PPIF: variants seen among roughly 807,000 people sequenced by gnomAD.
PPIF encodes peptidylprolyl isomerase F.
In PPIF, 23 loss-of-function variants were observed where a neutral mutation model predicts 20.2. That is an observed-to-expected ratio of 1.14 (90% CI 0.82 to 1.61). PPIF has a LOEUF of 1.61. PPIF is among the 40% of genes most tolerant of loss of function. The pLI is 0.00. For synonymous variants in PPIF, 113 were observed against 123.1 expected (o/e 0.92, Z 0.54); for missense variants, 287 against 291.6 (o/e 0.98, Z 0.11).
chr10:79,347,553 T>TGGCGC lies in PPIF; in HGVS notation c.6_10dup (p.Leu4ArgfsTer65). The TGGCGC allele has an allele frequency of 7.6e-7, 1 of 1,314,430 alleles. No individual in the cohort carries two copies. 81.4% of individuals were successfully genotyped at this position (1,314,430 alleles called of 1,614,324 possible). A position where few individuals can be genotyped will look rare whatever the true frequency, so the allele number is the denominator to read the frequency against. Reference sequence around the variant, plus strand: ...CCCGCCCGACCCGCGCCCGCGATGCTGGCGCTGCGCTGCGGCTCCCGCTGG... The same window carrying TGGCGC: ...CCCGCCCGACCCGCGCCCGCGATGCTGGCGCGGCGCTGCGCTGCGGCTCCCGCTGG... On this transcript the variant is annotated frameshift_variant, in exon 1 of 6. Coordinates refer to ENST00000225174, the MANE Select transcript of PPIF (RefSeq NM_005729.4). LOFTEE classifies it high-confidence loss of function.
At chr10:79,350,648 G>A (rs1173482539) in intron 3 of PPIF, among the ~76,000 whole-genome samples, 1 of 152,252 alleles carries the variant, frequency 6.6e-6, no homozygotes, top group Non-Finnish European at 1.5e-5. Flanking sequence ...TGAGGTGGAA[G>A]TCCTGAGCCA....
At position 79,353,879 on chromosome 10, in the gene PPIF, A is replaced by T. The variant is rs1318670814; in HGVS notation, c.*37A>T. On this transcript the variant is annotated 3_prime_UTR_variant, in exon 6 of 6. Coordinates refer to ENST00000225174, the MANE Select transcript of PPIF (RefSeq NM_005729.4). The stretch of plus-strand genomic sequence containing the variant: ...GGTGCTGGCATGGTGGCAGCTGCAA[A>T]TGTCCATGCACCCAGGTGGCCGCGT... The T allele has an allele frequency of 6.2e-7, 1 of 1,606,884 alleles. No individual in the cohort carries two copies. The highest frequency in any genetic ancestry group is 8.5e-7 in the Non-Finnish European group (1 of 1,175,294).
At position 79,347,729 on chromosome 10, in the gene PPIF, C is replaced by A; in HGVS notation, c.181C>A (p.Arg61Ser). ...DVDANGKPLG[R>S]VVLELKADVV... ...GGACGCCAACGGGAAGCCGCTCGGC[C>A]GCGTGGTGCTGGAGGTGAGACCGCT... The change falls in exon 1 of 6, where the codon CGC (arginine) becomes AGC (serine). Residue 61 changes from arginine (R) to serine (S), a missense_variant. Arg to Ser is a moderately radical substitution (Grantham distance 110, BLOSUM62 -1). Transcript: ENST00000225174. The A allele has an allele frequency of 7.0e-7, 1 of 1,427,710 alleles. No individual in the cohort carries two copies. The highest frequency in any genetic ancestry group is 9.2e-7 in the Non-Finnish European group (1 of 1,083,990). The allele number at this position is 1,427,710 out of a possible 1,614,324, so 88.4% of individuals were successfully genotyped here. A position where few individuals can be genotyped will look rare whatever the true frequency, so the allele number is the denominator to read the frequency against.
Position 79,347,690 on chromosome 10 carries a change from G to T in PPIF, c.142G>T (p.Val48Leu). 1 of 1,483,004 alleles carries T rather than the reference G, an allele frequency of 6.7e-7. No individual in the cohort carries two copies. The highest frequency in any genetic ancestry group is 9.0e-7 in the Non-Finnish European group (1 of 1,113,094). The allele number at this position is 1,483,004 out of a possible 1,614,324, so 91.9% of individuals were successfully genotyped here. ...TTCCTCCTCCTCCGGGAACCCGCTC[G>T]TGTACCTGGACGTGGACGCCAACGG... is the stretch of plus-strand genomic sequence containing the variant. ...SSSSSSGNPL[V>L]YLDVDANGKP... The change falls in exon 1 of 6, where the codon GTG (valine) becomes TTG (leucine). Residue 48 changes from valine to leucine, a missense_variant. By Grantham distance (32) the Val-to-Leu change is conservative. Coordinates refer to ENST00000225174, the MANE Select transcript of PPIF (RefSeq NM_005729.4).
chr10:79,348,012 C>G (rs1002234615), intron 1 of PPIF, among the ~76,000 whole-genome samples: 2 of 152,156 alleles, frequency 1.3e-5, no homozygotes, highest in Non-Finnish European at 2.9e-5. Flanking sequence ...CTCAGCACCT[C>G]TGGGCCGGCC....
At chr10:79,353,118 G>C (rs1303474282) in intron 5 of PPIF, among the ~76,000 whole-genome samples, 4 of 152,240 alleles carry the variant, frequency 2.6e-5, no homozygotes, top group Non-Finnish European at 4.4e-5. Context: ...CAAGAGATGT[G>C]GCCGGCAGGG....
At chr10:79,349,880 C>A in intron 3 of PPIF, 127 bp downstream of exon 3, 1 of 1,508,436 alleles carries the variant, frequency 6.6e-7, no homozygotes, top group Non-Finnish European at 8.9e-7. Flanking sequence ...CCAGGCTGCC[C>A]TCCCTGCATT....
chr10:79,350,893 A>C (rs1239979844), intron 3 of PPIF, among the ~76,000 whole-genome samples: 1 of 152,238 alleles, frequency 6.6e-6, no homozygotes, highest in Non-Finnish European at 1.5e-5. Context: ...AGGGGCTGCT[A>C]CCAGGCTCTT....
intron 3 of PPIF, 57 bp from the exon 4 acceptor site, chr10:79,351,430 G>A: frequency 6.4e-7 from 1 of 1,570,802 alleles, no homozygotes; most frequent in East Asian, 2.3e-5. Flanking sequence ...CCAGCGCCAG[G>A]GCCGTGGCCC....
In PPIF at chr10:79,351,544, T is replaced by A; in HGVS notation, c.373T>A (p.Phe125Ile). Residue 125 changes from phenylalanine to isoleucine, a missense_variant, in exon 4 of 6, where the codon TTT (phenylalanine) becomes ATT (isoleucine). Transcript: ENST00000225174. ...TGGKSIYGSR[F>I]PDENFTLKHV... ...CGGGAAGTCCATCTACGGAAGCCGC[T>A]TTCCTGACGAGAACTTTACACTGAA... is the stretch of plus-strand genomic sequence containing the variant. 2 of 1,614,108 alleles carry A rather than the reference T, an allele frequency of 1.2e-6. No homozygotes were observed. Among genetic ancestry groups the A allele is most frequent in the Non-Finnish European group, 1.7e-6 (2 of 1,179,974 alleles).
chr10:79,349,158 G>A (rs1292558547), intron 2 of PPIF, 52 bp downstream of exon 2: 10 of 1,613,438 alleles, frequency 6.2e-6, no homozygotes, highest in African/African-American at 4.0e-5. Flanking sequence ...AAGGGGGCCA[G>A]GCAGGGCAAG....
Position 79,354,712 on chromosome 10 carries a change from A to G in PPIF, c.*870A>G, listed in dbSNP as rs1297890202. 6.5e-6 allele frequency: 1 copy of G among 152,812 alleles called. No individual in the cohort carries two copies. Among genetic ancestry groups the G allele is most frequent in the Non-Finnish European group, 1.5e-5 (1 of 68,066 alleles). 9.5% of individuals were successfully genotyped at this position (152,812 alleles called of 1,614,324 possible). On this transcript the variant is annotated 3_prime_UTR_variant, in exon 6 of 6. Transcript: ENST00000225174. ...AATGTGAAAATAAATCCTATTTTCT[A>G]TGGAAGACTGGTACCTGGTTTCTGG...
In PPIF at chr10:79,354,089, T is replaced by C; in HGVS notation, c.*247T>C. ...TGGACATGATGTCACCCACCCCTTG[T>C]CAAGCATTGCCTGTGATTGCCCAGC... is the stretch of plus-strand genomic sequence containing the variant. On this transcript the variant is annotated 3_prime_UTR_variant, in exon 6 of 6. Transcript: ENST00000225174. 1.9e-6 allele frequency: 1 copy of C among 528,474 alleles called. No individual in the cohort carries two copies. The highest frequency in any genetic ancestry group is 3.3e-5 in the East Asian group (1 of 30,228). The allele number at this position is 528,474 out of a possible 1,614,324, so 32.7% of individuals were successfully genotyped here.
In PPIF at chr10:79,349,708, C is replaced by T. The variant is rs1368285270; in HGVS notation, c.270C>T (p.Tyr90=). 4 of 1,613,974 alleles carry T rather than the reference C, an allele frequency of 2.5e-6. No homozygotes were observed. The highest frequency in any genetic ancestry group is 2.2e-5 in the South Asian group (2 of 91,064). ...ALCTGEKGFG[Y]KGSTFHRVIP... is the part of the protein sequence containing the mutation. ...GCACTGGTGAGAAGGGCTTCGGCTACAAAGGCTCCACCTTCCACAGGGTGA... is the reference window on the plus strand; with the variant it reads ...GCACTGGTGAGAAGGGCTTCGGCTATAAAGGCTCCACCTTCCACAGGGTGA... Residue 90 remains tyrosine, a synonymous_variant, in exon 3 of 6, where the codon TAC becomes TAT. Transcript: ENST00000225174.
Position 79,353,923 on chromosome 10 carries a change from G to A in PPIF, c.*81G>A. On this transcript the variant is annotated 3_prime_UTR_variant, in exon 6 of 6. Transcript: ENST00000225174. Reference sequence around the variant, plus strand: ...GCCGCGTTGGGCTGTCAGCCAAGGTGCCTGAAACGATACGTGTGCCCACTC... The same window carrying A: ...GCCGCGTTGGGCTGTCAGCCAAGGTACCTGAAACGATACGTGTGCCCACTC... 6.8e-7 allele frequency: 1 copy of A among 1,464,010 alleles called. No individual in the cohort carries two copies. Among genetic ancestry groups the A allele is most frequent in the Admixed American group, 1.9e-5 (1 of 53,930 alleles). 90.7% of individuals were successfully genotyped at this position (1,464,010 alleles called of 1,614,324 possible). A position where few individuals can be genotyped will look rare whatever the true frequency, so the allele number is the denominator to read the frequency against.
chr10:79,348,925 C>T lies in PPIF; in HGVS notation c.196-151C>T, dbSNP rs1564623462. The T allele has an allele frequency of 5.7e-6, 9 of 1,575,924 alleles. No individual in the cohort carries two copies. The East Asian group carries it at 1.8e-4, about 32-fold the overall frequency. ...TCCCAGAAATGATAGAGCTGCCTCC[C>T]ATGGGGGTTGGCAATAATGGGAATG... On this transcript the variant is annotated intron_variant, in intron 1 of 5. Coordinates refer to ENST00000225174, the MANE Select transcript of PPIF (RefSeq NM_005729.4).
rs1037246405 is a variant in PPIF, at chr10:79,349,184, A to G, written c.226+78A>G. 5 of 1,611,896 alleles carry G rather than the reference A, an allele frequency of 3.1e-6. No individual in the cohort carries two copies. In the African/African-American group the frequency reaches 5.3e-5, roughly 17 times the overall value. The stretch of plus-strand genomic sequence containing the variant: ...GCAGGGCAAGGTGGGTGGCGTGATG[A>G]GAAGAGTCGGGGCTCAGAGACCCCT... On this transcript the variant is annotated intron_variant, in intron 2 of 5. Coordinates refer to ENST00000225174, the MANE Select transcript of PPIF (RefSeq NM_005729.4).
At chr10:79,349,582 G>A in intron 2 of PPIF, 83 bp from the exon 3 acceptor site, 1 of 1,583,416 alleles carries the variant, frequency 6.3e-7, no homozygotes, top group Non-Finnish European at 8.6e-7. Context: ...TGCTGGGGAT[G>A]TAGCAGGGAT....
At position 79,353,749 on chromosome 10, in the gene PPIF, C is replaced by T. The variant is rs1461825065; in HGVS notation, c.531C>T (p.Gly177=). ...KHVVFGHVKE[G]MDVVKKIESF... The stretch of plus-strand genomic sequence containing the variant: ...TTGTGTTCGGTCACGTCAAAGAGGG[C>T]ATGGACGTCGTGAAGAAAATAGAAT... The change falls in exon 6 of 6, where the codon GGC becomes GGT. Residue 177 remains glycine (G), a synonymous_variant. Transcript: ENST00000225174. The T allele has an allele frequency of 1.2e-6, 2 of 1,614,238 alleles. No individual in the cohort carries two copies. Among genetic ancestry groups the T allele is most frequent in the Non-Finnish European group, 8.5e-7 (1 of 1,180,042 alleles).
Sources: allele counts gnomAD v4.1 joint callset (sites outside exome capture counted in the v4.1 genomes callset), GRCh38; gene constraint gnomAD v4.1.1; transcripts MANE v1.5; gene names NCBI Gene and HGNC (gene_info 2026-07-23, HGNC 2026-07-21).